C10orf67: variants seen among roughly 807,000 people sequenced by gnomAD.
C10orf67 encodes uncharacterized protein C10orf67, mitochondrial.
Under a neutral mutation model 35.6 loss-of-function variants are expected in C10orf67, and 60 were observed. That is an observed-to-expected ratio of 1.68 (90% confidence interval 1.37 to 2.09). C10orf67 has a LOEUF of 2.09. Among genes scored for constraint, C10orf67 ranks in the 30% most tolerant of loss-of-function variants. The probability of loss-of-function intolerance (pLI) is 0.00; values close to 1 mark genes in which losing one functional copy is unlikely to be tolerated. For missense variants in C10orf67, 474 were observed against 330.2 expected (o/e 1.44, Z -3.38); for synonymous variants, 167 against 115.8 (o/e 1.44, Z -2.84).
At chr10:23,269,150 A>G (rs1038397757) in intron 8 of C10orf67, among the ~76,000 whole-genome samples, 3 of 152,256 alleles carry the variant, frequency 2.0e-5, no homozygotes, top group African/African-American at 7.2e-5. Flanking sequence ...CAGAAAATAT[A>G]TGACTATTTT....
intron 7 of C10orf67, among the ~76,000 whole-genome samples, chr10:23,288,541 A>G (rs1843613961): frequency 6.6e-6 from 1 of 152,186 alleles, no homozygotes. Context: ...TGGCACATAT[A>G]TACCTATGTA....
chr10:23,304,454 A>T (rs1292122564), intron 4 of C10orf67, among the ~76,000 whole-genome samples: 1 of 152,136 alleles, frequency 6.6e-6, no homozygotes, highest in African/African-American at 2.4e-5. Context: ...GCCAGGAAAC[A>T]TGCCCATCAA....
intron 2 of C10orf67, among the ~76,000 whole-genome samples, chr10:23,332,112 C>A (rs1845508619): frequency 6.6e-6 from 1 of 152,096 alleles, no homozygotes; most frequent in Admixed American, 6.5e-5. Flanking sequence ...TGAGTATGTG[C>A]AGGATTATTC....
At chr10:23,233,440 A>G (rs376062484) in intron 13 of C10orf67, among the ~76,000 whole-genome samples, 1 of 152,210 alleles carries the variant, frequency 6.6e-6, no homozygotes, top group Non-Finnish European at 1.5e-5. Context: ...ACTCAAATTC[A>G]TGGTCCAGTT....
intron 4 of C10orf67, among the ~76,000 whole-genome samples, chr10:23,314,397 G>C (rs1239794745): frequency 2.0e-5 from 3 of 151,768 alleles, no homozygotes; most frequent in Non-Finnish European, 4.4e-5. Context: ...TGAGGTGGTA[G>C]GATCACTTGA....
intron 15 of C10orf67, among the ~76,000 whole-genome samples, chr10:23,223,327 T>C (rs934384726): frequency 6.6e-6 from 1 of 152,164 alleles, no homozygotes; most frequent in Non-Finnish European, 1.5e-5. Flanking sequence ...CAAGTGATCC[T>C]CCCTCAGCCT....
chr10:23,261,982 T>A (rs1007790165), intron 10 of C10orf67, among the ~76,000 whole-genome samples: 2 of 151,750 alleles, frequency 1.3e-5, no homozygotes, highest in Non-Finnish European at 2.9e-5. Flanking sequence ...ATTCCCAGGG[T>A]TTGAGGAGAA....
chr10:23,312,030 T>G (rs1344581135), intron 4 of C10orf67, among the ~76,000 whole-genome samples: 1 of 152,186 alleles, frequency 6.6e-6, no homozygotes, highest in Non-Finnish European at 1.5e-5. Context: ...ATATTAACTT[T>G]TATCATTTAG....
chr10:23,246,379 T>C (rs1842317705), intron 12 of C10orf67, among the ~76,000 whole-genome samples: 1 of 152,186 alleles, frequency 6.6e-6, no homozygotes, highest in East Asian at 1.9e-4. Context: ...AAAAATGTTT[T>C]TTAATTAAAA....
chr10:23,249,899 A>G (rs1393971245), intron 12 of C10orf67, among the ~76,000 whole-genome samples: 2 of 152,258 alleles, frequency 1.3e-5, no homozygotes, highest in Non-Finnish European at 2.9e-5. Context: ...ATGTTAGGGT[A>G]AGGGAAAAAA....
rs1015938935 is a variant in C10orf67 at position 23,312,844 on chromosome 10, A to G, written c.546+7897T>C. Among the ~76,000 whole-genome samples the G allele has an allele frequency of 1.5e-4, 23 of 152,306 alleles. No homozygotes were observed. In the East Asian group the frequency reaches 4.4e-3, roughly 29 times the overall value. On this transcript the variant is annotated intron_variant, in intron 4 of 15. Coordinates refer to ENST00000636213, the MANE Select transcript of C10orf67 (RefSeq NM_001371909.1). The stretch of plus-strand genomic sequence containing the variant: ...CCATCATGTAGATGGAGCTCATCCA[A>G]TAGGTTGAAGGCCTTCTCAGAAAAA...
At chr10:23,293,040 G>T (rs1843769947) in intron 5 of C10orf67, among the ~76,000 whole-genome samples, 1 of 152,080 alleles carries the variant, frequency 6.6e-6, no homozygotes. Flanking sequence ...AAACAATACT[G>T]GCCTTAATAG....
At chr10:23,252,794 G>T (rs1437747938) in intron 10 of C10orf67, among the ~76,000 whole-genome samples, 1 of 152,110 alleles carries the variant, frequency 6.6e-6, no homozygotes, top group Non-Finnish European at 1.5e-5. Flanking sequence ...TTGAGTCTCA[G>T]GTACCCATGG....
In C10orf67 at chr10:23,245,700, A is replaced by G. The variant is rs563394081; in HGVS notation, c.1346+4755T>C. Among the ~76,000 whole-genome samples the G allele has an allele frequency of 9.6e-4, 147 of 152,348 alleles. 1 individual carries two copies. The highest frequency in any genetic ancestry group is 5.8e-3 in the Admixed American group (89 of 15,302). ...ATGGCTACTATCAGAAAGACAAAAG[A>G]TAACAAGTGCTGGTGAGGATGTGGA... On this transcript the variant is annotated intron_variant, in intron 12 of 15. Transcript: ENST00000636213.
chr10:23,310,666 G>T (rs2132305477), intron 4 of C10orf67, among the ~76,000 whole-genome samples: 1 of 152,228 alleles, frequency 6.6e-6, no homozygotes, highest in Middle Eastern at 3.4e-3. Context: ...AATTTTTCTG[G>T]CAAGTCCCAT....
rs1843916535 is a variant in C10orf67 at position 23,297,286 on chromosome 10, G to A, written c.703-6007C>T. ...CCTTTCCTTTCTGATGACCCCACCA[G>A]TCTAAGACTGCCACCTCTTTAGGTT... is the stretch of plus-strand genomic sequence containing the variant. On this transcript the variant is annotated intron_variant, in intron 5 of 15. Coordinates refer to ENST00000636213, the MANE Select transcript of C10orf67 (RefSeq NM_001371909.1). Among the ~76,000 whole-genome samples the A allele has an allele frequency of 2.4e-5, 3 of 127,202 alleles. No homozygotes were observed. In the South Asian group the frequency reaches 7.9e-4, roughly 34 times the overall value. 83.4% of individuals were successfully genotyped at this position (127,202 alleles called of 152,430 possible).
chr10:23,291,309 G>A (rs1843714021), intron 5 of C10orf67, 30 bp from the exon 6 acceptor site: 1 of 701,536 alleles, frequency 1.4e-6, no homozygotes, highest in African/African-American at 1.8e-5. Flanking sequence ...ATATTCCTAA[G>A]CAGGGAGCCA....
chr10:23,273,307 T>C (rs923254149), intron 8 of C10orf67, among the ~76,000 whole-genome samples: 1 of 152,224 alleles, frequency 6.6e-6, no homozygotes, highest in African/African-American at 2.4e-5. Flanking sequence ...ACCATGATAA[T>C]AGTGTGTTTC....
chr10:23,326,521 T>C (rs1417226815), intron 2 of C10orf67, among the ~76,000 whole-genome samples: 1 of 152,096 alleles, frequency 6.6e-6, no homozygotes, highest in Non-Finnish European at 1.5e-5. Context: ...AGAGAAATAA[T>C]TTGGGCTGGA....
Sources: gnomAD v4.1 joint callset for allele counts (sites outside exome capture counted in the v4.1 genomes callset) on GRCh38, gnomAD v4.1.1 for gene constraint, MANE v1.5 for transcripts, NCBI Gene and HGNC (gene_info 2026-07-23, HGNC 2026-07-21) for gene names.